PDZRN4: variants seen among roughly 807,000 people sequenced by gnomAD.
PDZRN4 encodes the protein PDZ domain containing ring finger 4.
A neutral mutation model predicts 99.0 loss-of-function variants in PDZRN4; 70 were observed. That is an observed-to-expected ratio of 0.71 (90% confidence interval 0.58 to 0.86). The LOEUF is 0.86. Among genes scored for constraint, PDZRN4 ranks in the 40% least tolerant of loss-of-function variants. The pLI is 0.00. For missense variants in PDZRN4, 1,474 were observed against 1,331.2 expected, an observed-to-expected ratio of 1.11 and a Z score of -1.67; for synonymous variants, 551 against 501.6, an observed-to-expected ratio of 1.10 and a Z score of -1.32.
intron 3 of PDZRN4, among the ~76,000 whole-genome samples, chr12:41,420,759 T>C (rs1952481996): frequency 6.6e-6 from 1 of 152,064 alleles, no homozygotes; most frequent in Admixed American, 6.6e-5. Context: ...TTTTTCCTTC[T>C]ATCTTTTTCT....
At chr12:41,245,385 A>G (rs76661879) in intron 3 of PDZRN4, among the ~76,000 whole-genome samples, 1 of 152,176 alleles carries the variant, frequency 6.6e-6, no homozygotes, top group African/African-American at 2.4e-5. Flanking sequence ...ATCCTTGGGG[A>G]TTCAAATGTT....
intron 3 of PDZRN4, among the ~76,000 whole-genome samples, chr12:41,265,993 A>C (rs1469652129): frequency 1.3e-5 from 2 of 152,190 alleles, no homozygotes; most frequent in African/African-American, 4.8e-5. Flanking sequence ...GCTTTCACCC[A>C]GTGTTGCTTC....
At chr12:41,426,674 T>C (rs1952539986) in intron 3 of PDZRN4, among the ~76,000 whole-genome samples, 1 of 152,208 alleles carries the variant, frequency 6.6e-6, no homozygotes. Flanking sequence ...AAACTTTAGA[T>C]AAAATAGGTG....
At chr12:41,459,164 T>TTCCTA (rs1256560990) in intron 3 of PDZRN4, among the ~76,000 whole-genome samples, 1 of 152,220 alleles carries the variant, frequency 6.6e-6, no homozygotes, top group Non-Finnish European at 1.5e-5. Flanking sequence ...TGTCAGCACA[T>TTCCTA]TCCAGGTTGA....
intron 3 of PDZRN4, among the ~76,000 whole-genome samples, chr12:41,442,191 AT>A (rs1350777485): frequency 2.0e-5 from 3 of 151,462 alleles, no homozygotes; most frequent in South Asian, 2.1e-4. Flanking sequence ...TCCAGACTCT[AT>A]TTTTTGCTTT....
chr12:41,445,420 A>G (rs1238484903), intron 3 of PDZRN4, among the ~76,000 whole-genome samples: 1 of 152,082 alleles, frequency 6.6e-6, no homozygotes, highest in African/African-American at 2.4e-5. Flanking sequence ...TTTCTTTATA[A>G]GTGTTAAGTA....
chr12:41,241,516 G>A (rs1201689020), intron 3 of PDZRN4, among the ~76,000 whole-genome samples: 1 of 150,326 alleles, frequency 6.7e-6, no homozygotes, highest in Non-Finnish European at 1.5e-5. Flanking sequence ...TACTGGCCCA[G>A]TAGTTATGGG....
At chr12:41,297,449 A>G (rs7958538) in intron 3 of PDZRN4, among the ~76,000 whole-genome samples, 13,320 of 152,174 alleles carry the variant, frequency 0.088, 1,014 homozygotes, top group African/African-American at 0.21. Flanking sequence ...ATGTGTCCAC[A>G]GGAGTGCTTT....
At chr12:41,391,440 A>G (rs1417750237) in intron 3 of PDZRN4, among the ~76,000 whole-genome samples, 1 of 152,142 alleles carries the variant, frequency 6.6e-6, no homozygotes, top group Non-Finnish European at 1.5e-5. Context: ...CTCCAAGCTC[A>G]CCGTATAACC....
At chr12:41,447,692 A>G (rs1211038026) in intron 3 of PDZRN4, among the ~76,000 whole-genome samples, 1 of 152,154 alleles carries the variant, frequency 6.6e-6, no homozygotes, top group Non-Finnish European at 1.5e-5. Flanking sequence ...GAGAAAACTG[A>G]AGCACAAAGT....
Position 41,506,356 on chromosome 12 carries a change from C to T in PDZRN4, c.844-100C>T, listed in dbSNP as rs1938204741. Reference sequence around the variant, plus strand: ...AAATATTCCATTACAAAATTCATATCAGGGCTGGTTGAAACCTTTCTCTCT... The same window carrying T: ...AAATATTCCATTACAAAATTCATATTAGGGCTGGTTGAAACCTTTCTCTCT... On this transcript the variant is annotated intron_variant, in intron 3 of 9. Transcript: ENST00000402685. The T allele has an allele frequency of 2.8e-6, 3 of 1,068,712 alleles. No individual in the cohort carries two copies. In the South Asian group the frequency reaches 5.1e-5, roughly 18 times the overall value. The allele number at this position is 1,068,712 out of a possible 1,614,324, so 66.2% of individuals were successfully genotyped here.
intron 3 of PDZRN4, among the ~76,000 whole-genome samples, chr12:41,333,822 A>G (rs1352631643): frequency 1.3e-5 from 2 of 152,152 alleles, no homozygotes; most frequent in African/African-American, 2.4e-5. Context: ...GGGGTTTATC[A>G]TATTTAACTT....
At chr12:41,499,652 A>C (rs1938075817) in intron 3 of PDZRN4, among the ~76,000 whole-genome samples, 1 of 152,068 alleles carries the variant, frequency 6.6e-6, no homozygotes, top group Non-Finnish European at 1.5e-5. Flanking sequence ...CATCCTCAAG[A>C]TTACCTATAA....
chr12:41,565,024 C>T (rs1939339653), intron 8 of PDZRN4, among the ~76,000 whole-genome samples: 1 of 152,118 alleles, frequency 6.6e-6, no homozygotes, highest in South Asian at 2.1e-4. Context: ...AACTATGCCA[C>T]ATAGTGGCCA....
chr12:41,502,062 C>T (rs143893023), intron 3 of PDZRN4, among the ~76,000 whole-genome samples: 169 of 152,206 alleles, frequency 1.1e-3, no homozygotes, highest in African/African-American at 4.0e-3. Context: ...TTGGCATCAT[C>T]CTTTCTTCTT....
At chr12:41,419,628 AC>A (rs1952473626) in intron 3 of PDZRN4, among the ~76,000 whole-genome samples, 1 of 152,132 alleles carries the variant, frequency 6.6e-6, no homozygotes, top group South Asian at 2.1e-4. Context: ...AACCTTTCTC[AC>A]CATGGGGGTT....
At chr12:41,305,229 T>C (rs1265018928) in intron 3 of PDZRN4, among the ~76,000 whole-genome samples, 4 of 152,190 alleles carry the variant, frequency 2.6e-5, no homozygotes, top group African/African-American at 9.7e-5. Flanking sequence ...CCTGCTAAAA[T>C]ACTGTTGAAC....
chr12:41,224,282 G>A (rs1360442226), intron 3 of PDZRN4, among the ~76,000 whole-genome samples: 1 of 152,198 alleles, frequency 6.6e-6, no homozygotes, highest in Non-Finnish European at 1.5e-5. Flanking sequence ...TGCTCAGAGA[G>A]ATTATGTTAC....
chr12:41,452,352 T>A (rs1450576032), intron 3 of PDZRN4, among the ~76,000 whole-genome samples: 1 of 150,040 alleles, frequency 6.7e-6, no homozygotes, highest in South Asian at 2.1e-4. Flanking sequence ...GGCAGGAGAA[T>A]GGTGTGAACC....
Sources: allele counts gnomAD v4.1 joint callset (sites outside exome capture counted in the v4.1 genomes callset), GRCh38; gene constraint gnomAD v4.1.1; transcripts MANE v1.5; gene names NCBI Gene and HGNC (gene_info 2026-07-23, HGNC 2026-07-21).